The following WDR90 variants were observed in gnomAD, a reference collection of about 807,000 sequenced individuals.
The protein encoded by WDR90 is WD repeat domain 90.
A neutral mutation model predicts 195.2 loss-of-function variants in WDR90; 238 were observed. The ratio of observed to expected loss-of-function variants is 1.22; its 90% CI spans 1.10 to 1.36. WDR90 has a LOEUF of 1.36. Among genes scored for constraint, WDR90 ranks in the 40% most tolerant of loss-of-function variants. The pLI is 0.00. For missense variants in WDR90, 2,734 were observed against 2,439.5 expected, an observed-to-expected ratio of 1.12 and a Z score of -2.54; for synonymous variants, 1,265 against 1,052.4, an observed-to-expected ratio of 1.20 and a Z score of -3.91.
Position 667,538 on chromosome 16 carries a change from C to T in WDR90, c.5196C>T (p.Leu1732=), listed in dbSNP as rs1567227726. ...LCRFTPSARL[L]FTAARNEILV... is the part of the protein sequence containing the mutation. ...GGTTTACACCGTCCGCCAGGCTGCT[C>T]TTCACGGCCGCCCGCAACGAGATCC... is the stretch of plus-strand genomic sequence containing the variant. Residue 1732 remains leucine (L), a synonymous_variant, in exon 41 of 41, where the codon CTC becomes CTT. Transcript: ENST00000293879. 1 of 1,612,086 alleles carries T rather than the reference C, an allele frequency of 6.2e-7. No individual in the cohort carries two copies. Among genetic ancestry groups the T allele is most frequent in the East Asian group, 2.2e-5 (1 of 44,884 alleles).
At chr16:659,180 T>G (rs1239108352) in intron 25 of WDR90, 54 bp downstream of exon 25, 3 of 1,609,882 alleles carry the variant, frequency 1.9e-6, no homozygotes, top group Non-Finnish European at 2.5e-6. Context: ...CTGGGGCCCG[T>G]CCTGTGTCTG....
In WDR90 at chr16:660,663, G is replaced by A. The variant is rs762091621; in HGVS notation, c.3340G>A (p.Val1114Ile). 21 of 1,582,590 alleles carry A rather than the reference G, an allele frequency of 1.3e-5. No individual in the cohort carries two copies. The East Asian group carries it at 1.9e-4, about 14-fold the overall frequency. The change falls in exon 28 of 41, where the codon GTC (valine) becomes ATC (isoleucine). Residue 1114 changes from valine to isoleucine, a missense_variant. Physicochemically the swap from Val to Ile is conservative, Grantham distance 29. Coordinates refer to ENST00000293879, the MANE Select transcript of WDR90 (RefSeq NM_145294.5). The part of the protein sequence containing the change: ...SGGWLRLKAV[V>I]GYSGNGRANM... ...TGGGTGGCTGCGTCTGAAGGCTGTC[G>A]TCGGTTACAGCGGGAATGGGCGGGC... is the stretch of plus-strand genomic sequence containing the variant.
At chr16:658,150 C>A (rs1437268863) in intron 21 of WDR90, 33 bp from the exon 22 acceptor site, 2 of 1,592,096 alleles carry the variant, frequency 1.3e-6, no homozygotes, top group Non-Finnish European at 1.7e-6. Flanking sequence ...TGCCCAGGGG[C>A]CCTGACTGTC....
At position 651,193 on chromosome 16, in the gene WDR90, G is replaced by T. The variant is rs368749742; in HGVS notation, c.669-6G>T. 12 of 1,613,270 alleles carry T rather than the reference G, an allele frequency of 7.4e-6. No homozygotes were observed. The African/African-American group carries it at 1.6e-4, about 21-fold the overall frequency. On this transcript the variant is annotated splice_region_variant and splice_polypyrimidine_tract_variant and intron_variant, in intron 6 of 40. Transcript: ENST00000293879. ...CCAGACACTGACTCTCCCTCTGCCTGCCAAGGTTTCCAAGTGAGAGCTTGA... is the reference window on the plus strand; with the variant it reads ...CCAGACACTGACTCTCCCTCTGCCTTCCAAGGTTTCCAAGTGAGAGCTTGA...
intron 13 of WDR90, 114 bp from the exon 14 acceptor site, chr16:654,915 G>A (rs899621271): frequency 4.3e-6 from 4 of 937,808 alleles, no homozygotes; most frequent in African/African-American, 3.3e-5. Context: ...ACGCTCAGAG[G>A]CTGGTCTCCG....
chr16:662,853 C>A lies in WDR90; in HGVS notation c.4311+9C>A. 6.4e-7 allele frequency: 1 copy of A among 1,550,820 alleles called. No homozygotes were observed. The highest frequency in any genetic ancestry group is 8.7e-7 in the Non-Finnish European group (1 of 1,152,024). On this transcript the variant is annotated intron_variant, in intron 34 of 40. Coordinates refer to ENST00000293879, the MANE Select transcript of WDR90 (RefSeq NM_145294.5). ...GTGGCCACAGGAGCAAGGTGAGGGACTTCCAGCCTGGGCAGAGGCGGGGCA... is the reference window on the plus strand; with the variant it reads ...GTGGCCACAGGAGCAAGGTGAGGGAATTCCAGCCTGGGCAGAGGCGGGGCA...
rs2037803762 is a variant in WDR90 at position 658,256 on chromosome 16, G to A, written c.2678G>A (p.Gly893Asp). Reference sequence around the variant, plus strand: ...GACTCAGCCATGGCTGTGTGCTTTGGCCCTGCAGCTCTGGGCCACCTGCTG... The same window carrying A: ...GACTCAGCCATGGCTGTGTGCTTTGACCCTGCAGCTCTGGGCCACCTGCTG... ...RLDSAMAVCF[G>D]PAALGHLLVS... Residue 893 changes from glycine (G) to aspartate (D), a missense_variant, in exon 22 of 41, where the codon GGC becomes GAC. By Grantham distance (94) the Gly-to-Asp change is moderately conservative. Transcript: ENST00000293879. 1 of 1,612,500 alleles carries A rather than the reference G, an allele frequency of 6.2e-7. No homozygotes were observed. The highest frequency in any genetic ancestry group is 1.7e-5 in the Admixed American group (1 of 59,998).
chr16:658,734 G>A, intron 23 of WDR90, 81 bp downstream of exon 23: 1 of 1,567,980 alleles, frequency 6.4e-7, no homozygotes. Flanking sequence ...GGTGTGGGTG[G>A]GGGCAGGGAG....
At chr16:652,856 C>T (rs976214579) in intron 10 of WDR90, among the ~76,000 whole-genome samples, 3 of 152,212 alleles carry the variant, frequency 2.0e-5, no homozygotes, top group African/African-American at 7.2e-5. Context: ...TCCAGACCAG[C>T]AGTGTGGGGC....
Position 656,372 on chromosome 16 carries a change from G to A in WDR90, c.2037G>A (p.Ser679=), listed in dbSNP as rs369643010. The A allele has an allele frequency of 5.8e-5, 93 of 1,609,006 alleles. No individual in the cohort carries two copies. Among genetic ancestry groups the A allele is most frequent in the Non-Finnish European group, 6.9e-5 (81 of 1,179,620 alleles). Residue 679 remains serine (S), a synonymous_variant, in exon 18 of 41, where the codon TCG becomes TCA. Coordinates refer to ENST00000293879, the MANE Select transcript of WDR90 (RefSeq NM_145294.5). ...TCCGTGTGCTGTCTGCCACCTCCTCGGGCCACCTGGGCTTCCTGGACACGC... is the reference window on the plus strand; with the variant it reads ...TCCGTGTGCTGTCTGCCACCTCCTCAGGCCACCTGGGCTTCCTGGACACGC... ...DGLRVLSATS[S]GHLGFLDTLS...
In WDR90 at chr16:653,358, C is replaced by T. The variant is rs374649326; in HGVS notation, c.1140C>T (p.Asp380=). The T allele has an allele frequency of 5.6e-5, 88 of 1,573,642 alleles. No homozygotes were observed. The highest frequency in any genetic ancestry group is 1.7e-4 in the Middle Eastern group (1 of 5,894). The part of the protein sequence containing the change: ...HGTRQALWTP[D]GAAVVYPCHA... ...TGTGCCAGGCCCTGTGGACCCCAGACGGGGCGGCTGTCGTGTACCCCTGCC... is the reference window on the plus strand; with the variant it reads ...TGTGCCAGGCCCTGTGGACCCCAGATGGGGCGGCTGTCGTGTACCCCTGCC... The change falls in exon 11 of 41, where the codon GAC becomes GAT. Residue 380 remains aspartate, a synonymous_variant. Transcript: ENST00000293879.
Position 656,349 on chromosome 16 carries a change from C to T in WDR90, c.2014C>T (p.Arg672Cys), listed in dbSNP as rs763112214. Residue 672 changes from arginine to cysteine, a missense_variant, in exon 18 of 41, where the codon CGT (arginine) becomes TGT (cysteine). By Grantham distance (180) the Arg-to-Cys change is radical. Transcript: ENST00000293879. The stretch of plus-strand genomic sequence containing the variant: ...AGTCTGTGTCAGCCCCGATGGCCTC[C>T]GTGTGCTGTCTGCCACCTCCTCGGG... ...SSVCVSPDGL[R>C]VLSATSSGHL... The T allele has an allele frequency of 2.5e-5, 40 of 1,609,720 alleles. No homozygotes were observed. Among genetic ancestry groups the T allele is most frequent in the African/African-American group, 5.3e-5 (4 of 74,986 alleles).
At chr16:662,378 G>T (rs778192452) in intron 33 of WDR90, 47 bp downstream of exon 33, 1 of 1,535,530 alleles carries the variant, frequency 6.5e-7, no homozygotes, top group South Asian at 1.2e-5. Flanking sequence ...GGGTGTTGGT[G>T]TCCCTGACTG....
intron 10 of WDR90, among the ~76,000 whole-genome samples, chr16:653,037 C>A (rs187332414): frequency 1.1e-3 from 175 of 152,322 alleles, no homozygotes; most frequent in Non-Finnish European, 2.1e-3. Flanking sequence ...CCTTTTGTTA[C>A]CCCCACCCCG....
chr16:661,809 G>T (rs1254880517), intron 31 of WDR90, 22 bp downstream of exon 31: 1 of 1,587,876 alleles, frequency 6.3e-7, no homozygotes, highest in South Asian at 1.1e-5. Context: ...TCAGCGTTTG[G>T]GCCCAGGGGT....
At chr16:659,463 C>T in intron 26 of WDR90, 87 bp downstream of exon 26, 1 of 1,512,102 alleles carries the variant, frequency 6.6e-7, no homozygotes, top group Non-Finnish European at 8.9e-7. Context: ...CACGCACGTC[C>T]AGCTCTGGGG....
intron 7 of WDR90, 120 bp from the exon 8 acceptor site, chr16:651,524 T>A (rs1479993095): frequency 9.2e-7 from 1 of 1,081,164 alleles, no homozygotes; most frequent in Non-Finnish European, 1.3e-6. Flanking sequence ...GGATACTGGC[T>A]GTGGGTCCTG....
In WDR90 at chr16:656,872, G is replaced by A. The variant is rs758196316; in HGVS notation, c.2342+1G>A. ...CCGCTGAGGTCCTGGTGGAACACAC[G>A]TAAGTGCCCAGCTGGCCACCAGCCC... On this transcript the variant is annotated splice_donor_variant, in intron 19 of 40. Transcript: ENST00000293879. LOFTEE classifies it high-confidence loss of function. 4.0e-5 allele frequency: 64 copies of A among 1,611,972 alleles called. No homozygotes were observed. The highest frequency in any genetic ancestry group is 1.3e-4 in the Admixed American group (8 of 59,918).
intron 40 of WDR90, 77 bp downstream of exon 40, chr16:667,066 A>C: frequency 6.9e-7 from 1 of 1,445,170 alleles, no homozygotes; most frequent in Non-Finnish European, 9.5e-7. Context: ...GTTCCAAGAC[A>C]GGTGCCTCAC....
Sources: gnomAD v4.1 joint callset for allele counts (sites outside exome capture counted in the v4.1 genomes callset) on GRCh38, gnomAD v4.1.1 for gene constraint, MANE v1.5 for transcripts, NCBI Gene and HGNC (gene_info 2026-07-23, HGNC 2026-07-21) for gene names.